The following TNS3 variants were observed in gnomAD, a reference collection of about 807,000 sequenced individuals.
TNS3 encodes the protein tensin-3.
TNS3 carries 45 observed loss-of-function variants against 140.9 expected under a neutral mutation model. The observed-to-expected ratio is 0.32, with a 90% CI of 0.25 to 0.41. TNS3 has a LOEUF of 0.41. Ranked by LOEUF, TNS3 falls within the 10% of genes least tolerant of loss-of-function variation. TNS3 has a pLI of 1.00. For missense variants in TNS3, 1,716 were observed against 1,906.7 expected (o/e 0.90, Z 1.86); for synonymous variants, 815 against 788.4 (o/e 1.03, Z -0.56).
chr7:47,482,510 G>A (rs1464790355), intron 3 of TNS3, among the ~76,000 whole-genome samples: 2 of 152,154 alleles, frequency 1.3e-5, no homozygotes, highest in Non-Finnish European at 2.9e-5. Context: ...GGAAACAGAA[G>A]GAGTCACAGA....
At position 47,275,951 on chromosome 7, in the gene TNS3, C is replaced by G. The variant is rs1202596484; in HGVS notation, c.*2125G>C. 9.1e-6 allele frequency: 4 copies of G among 437,574 alleles called. No homozygotes were observed. Among genetic ancestry groups the G allele is most frequent in the Non-Finnish European group, 1.8e-5 (4 of 216,652 alleles). 27.1% of individuals were successfully genotyped at this position (437,574 alleles called of 1,614,324 possible). A position where few individuals can be genotyped will look rare whatever the true frequency, so the allele number is the denominator to read the frequency against. On this transcript the variant is annotated 3_prime_UTR_variant, in exon 31 of 31. Coordinates refer to ENST00000311160, the MANE Select transcript of TNS3 (RefSeq NM_022748.12). The stretch of plus-strand genomic sequence containing the variant: ...TAGTTTGCTCTGACTTCTAAATGAG[C>G]TCTCTCATCCTTCATCAGAAGGATA...
intron 16 of TNS3, among the ~76,000 whole-genome samples, chr7:47,370,618 A>G (rs1320911879): frequency 6.6e-6 from 1 of 152,234 alleles, no homozygotes; most frequent in Non-Finnish European, 1.5e-5. Context: ...GCGACCACAC[A>G]TAGCAGGTCC....
intron 1 of TNS3, among the ~76,000 whole-genome samples, chr7:47,540,122 G>T (rs965583400): frequency 2.0e-5 from 3 of 152,170 alleles, no homozygotes; most frequent in East Asian, 3.9e-4. Context: ...TCGCCAGGTT[G>T]TCTCACCCTA....
At chr7:47,542,438 G>T (rs1799812891) in intron 1 of TNS3, among the ~76,000 whole-genome samples, 1 of 152,164 alleles carries the variant, frequency 6.6e-6, no homozygotes, top group South Asian at 2.1e-4. Flanking sequence ...GTCCTGGCAG[G>T]ATCCAGCCCT....
chr7:47,345,045 T>A lies in TNS3; in HGVS notation c.2452-7A>T, dbSNP rs779018200. 2.5e-6 allele frequency: 4 copies of A among 1,610,864 alleles called. No homozygotes were observed. Among genetic ancestry groups the A allele is most frequent in the Non-Finnish European group, 3.4e-6 (4 of 1,178,016 alleles). On this transcript the variant is annotated splice_region_variant and splice_polypyrimidine_tract_variant and intron_variant, in intron 18 of 30. Transcript: ENST00000311160. ...GATAGCCAGGGGTCATCGTCTGAAATTGGCACAGGGAGTAGAATGTGAGAA... is the reference window on the plus strand; with the variant it reads ...GATAGCCAGGGGTCATCGTCTGAAAATGGCACAGGGAGTAGAATGTGAGAA...
intron 1 of TNS3, among the ~76,000 whole-genome samples, chr7:47,568,518 G>T (rs886743165): frequency 2.0e-5 from 3 of 152,234 alleles, no homozygotes; most frequent in Admixed American, 2.0e-4. Context: ...TGAGCTGCAT[G>T]AAAGGAATGA....
intron 26 of TNS3, 122 bp downstream of exon 26, chr7:47,292,706 A>G: frequency 1.2e-6 from 1 of 845,780 alleles, no homozygotes; most frequent in East Asian, 2.6e-5. Context: ...TTCAACCAAG[A>G]GAATACGAAA....
chr7:47,345,077 G>T, intron 18 of TNS3, 39 bp from the exon 19 acceptor site: 1 of 1,517,380 alleles, frequency 6.6e-7, no homozygotes, highest in Non-Finnish European at 9.1e-7. Context: ...AGAACAGGGA[G>T]TCAAGTGAAG....
chr7:47,478,411 TACACAC>T (rs10531755), intron 4 of TNS3, among the ~76,000 whole-genome samples: 32 of 148,970 alleles, frequency 2.1e-4, no homozygotes, highest in Middle Eastern at 6.9e-3. Context: ...CTCAGGGAAA[TACACAC>T]ACACACACAC....
chr7:47,452,444 G>A (rs565871615), intron 4 of TNS3, among the ~76,000 whole-genome samples: 54 of 152,332 alleles, frequency 3.5e-4, no homozygotes, highest in African/African-American at 1.3e-3. Flanking sequence ...CATGGAGGGT[G>A]GGAAACTAAA....
chr7:47,539,446 G>T (rs1001075999), intron 1 of TNS3: 12 of 286,020 alleles, frequency 4.2e-5, no homozygotes, highest in African/African-American at 6.6e-5. Flanking sequence ...AGGCGAATCC[G>T]CATTCATCAG....
intron 4 of TNS3, among the ~76,000 whole-genome samples, chr7:47,461,391 C>T (rs751111317): frequency 1.7e-4 from 26 of 152,240 alleles, no homozygotes; most frequent in Non-Finnish European, 3.2e-4. Context: ...GAATGCATGG[C>T]CTGAGCCAGC....
intron 20 of TNS3, among the ~76,000 whole-genome samples, chr7:47,328,793 A>G (rs1188948528): frequency 2.0e-5 from 3 of 152,186 alleles, no homozygotes; most frequent in African/African-American, 4.8e-5. Context: ...CAAACCCTGC[A>G]GGTTTTCTTC....
chr7:47,333,866 T>C (rs2150931826), intron 20 of TNS3, among the ~76,000 whole-genome samples: 1 of 152,338 alleles, frequency 6.6e-6, no homozygotes, highest in African/African-American at 2.4e-5. Flanking sequence ...TTTGTTACAC[T>C]AGCATATTCA....
intron 16 of TNS3, among the ~76,000 whole-genome samples, chr7:47,383,039 A>G (rs1791864499): frequency 6.6e-6 from 1 of 152,230 alleles, no homozygotes; most frequent in South Asian, 2.1e-4. Flanking sequence ...GGATGAGAAA[A>G]GATGTGGAAA....
chr7:47,507,865 A>C (rs144310998), intron 2 of TNS3, among the ~76,000 whole-genome samples: 228 of 152,232 alleles, frequency 1.5e-3, no homozygotes, highest in African/African-American at 5.1e-3. Flanking sequence ...CTGTGGGAGG[A>C]GGGAAAGAGA....
At chr7:47,410,026 T>C (rs1397814588) in intron 13 of TNS3, among the ~76,000 whole-genome samples, 2 of 152,132 alleles carry the variant, frequency 1.3e-5, no homozygotes, top group Non-Finnish European at 2.9e-5. Context: ...GTGCTGAACA[T>C]AGCCGGTGCT....
intron 20 of TNS3, among the ~76,000 whole-genome samples, chr7:47,308,782 C>G (rs537784406): frequency 1.3e-5 from 2 of 152,172 alleles, no homozygotes; most frequent in Admixed American, 6.5e-5. Context: ...CTCATGAGAA[C>G]AGGCACTCTT....
intron 1 of TNS3, among the ~76,000 whole-genome samples, chr7:47,577,007 T>A (rs1439647498): frequency 6.6e-6 from 1 of 152,218 alleles, no homozygotes; most frequent in Non-Finnish European, 1.5e-5. Flanking sequence ...TGGTCTCTAC[T>A]TTTCAGGAGC....
Sources: allele counts gnomAD v4.1 joint callset (sites outside exome capture counted in the v4.1 genomes callset), GRCh38; gene constraint gnomAD v4.1.1; transcripts MANE v1.5; gene names NCBI Gene and HGNC (gene_info 2026-07-23, HGNC 2026-07-21).